The following INO80D variants were observed in gnomAD, a reference collection of about 807,000 sequenced individuals.
INO80D encodes INO80 complex subunit D.
In INO80D, 21 loss-of-function variants were observed where a neutral mutation model predicts 87.6. That is an observed-to-expected ratio of 0.24 (90% CI 0.17 to 0.35). INO80D has a LOEUF of 0.35. INO80D is among the 10% of genes least tolerant of loss of function. The pLI is 1.00. For missense variants in INO80D, 982 were observed against 1,280.7 expected (o/e 0.77, Z 3.56); for synonymous variants, 440 against 491.0 (o/e 0.90, Z 1.37).
intron 3 of INO80D, among the ~76,000 whole-genome samples, chr2:206,061,423 G>A (rs143479337): frequency 7.2e-5 from 11 of 152,194 alleles, no homozygotes; most frequent in African/African-American, 1.7e-4. Context: ...ATGTGTTTAC[G>A]ATGGGGCTTG....
At chr2:206,029,889 G>A (rs529694395) in intron 5 of INO80D, among the ~76,000 whole-genome samples, 1 of 152,220 alleles carries the variant, frequency 6.6e-6, no homozygotes, top group African/African-American at 2.4e-5. Flanking sequence ...CAAAAACAGT[G>A]GGGCAAAAAG....
At position 206,001,026 on chromosome 2, in the gene INO80D, T is replaced by C. The variant is rs1324374184; in HGVS notation, c.*3342A>G. 7 of 152,286 alleles carry C rather than the reference T, an allele frequency of 4.6e-5. No individual in the cohort carries two copies. Among genetic ancestry groups the C allele is most frequent in the Admixed American group, 2.6e-4 (4 of 15,294 alleles). 9.4% of individuals were successfully genotyped at this position (152,286 alleles called of 1,614,324 possible). A position where few individuals can be genotyped will look rare whatever the true frequency, so the allele number is the denominator to read the frequency against. On this transcript the variant is annotated 3_prime_UTR_variant, in exon 11 of 11. Coordinates refer to ENST00000403263, the MANE Select transcript of INO80D (RefSeq NM_017759.5). ...TGCTGTCTAAGCTATGTGACGATAA[T>C]TAGAAAATTTTTCCATTGCATAGTC...
chr2:206,033,489 T>C (rs564386133), intron 5 of INO80D, among the ~76,000 whole-genome samples: 2 of 152,276 alleles, frequency 1.3e-5, no homozygotes, highest in Admixed American at 6.5e-5. Context: ...TGAAAGAGCT[T>C]TGGGTCAAAA....
chr2:206,026,209 A>C (rs1437499004), intron 6 of INO80D, among the ~76,000 whole-genome samples: 1 of 152,032 alleles, frequency 6.6e-6, no homozygotes, highest in African/African-American at 2.4e-5. Context: ...ATGTTTTGAA[A>C]TTTTAAAATT....
At chr2:206,055,628 G>A (rs17286569) in intron 4 of INO80D, among the ~76,000 whole-genome samples, 28,288 of 152,132 alleles carry the variant, frequency 0.19, 3,274 homozygotes, top group Non-Finnish European at 0.27. Context: ...AAAGCTGCGT[G>A]TGGAATTCTA....
intron 10 of INO80D, among the ~76,000 whole-genome samples, chr2:206,006,376 C>G (rs1391103884): frequency 6.6e-6 from 1 of 152,166 alleles, no homozygotes; most frequent in African/African-American, 2.4e-5. Flanking sequence ...AGGGCAAGTT[C>G]TAAAAGACTT....
intron 4 of INO80D, among the ~76,000 whole-genome samples, chr2:206,053,593 T>C (rs568570597): frequency 2.0e-5 from 3 of 152,240 alleles, no homozygotes; most frequent in Admixed American, 1.3e-4. Flanking sequence ...TCCTATAAAA[T>C]ATACCCTGTC....
Position 206,063,055 on chromosome 2 carries a change from C to A in INO80D, c.-29-10G>T. 7.0e-7 allele frequency: 1 copy of A among 1,433,608 alleles called. No homozygotes were observed. Among genetic ancestry groups the A allele is most frequent in the Admixed American group, 1.9e-5 (1 of 51,688 alleles). The allele number at this position is 1,433,608 out of a possible 1,614,324, so 88.8% of individuals were successfully genotyped here. ...TCCTTGTGAACATCAGCTAAAAGGC[C>A]ACCACAAAAAAAGAAACCCAAATGA... On this transcript the variant is annotated splice_polypyrimidine_tract_variant and intron_variant, in intron 2 of 10. Coordinates refer to ENST00000403263, the MANE Select transcript of INO80D (RefSeq NM_017759.5).
chr2:206,032,553 T>C (rs1435099153), intron 5 of INO80D, among the ~76,000 whole-genome samples: 2 of 152,212 alleles, frequency 1.3e-5, no homozygotes, highest in Non-Finnish European at 2.9e-5. Context: ...GGAAAGAATC[T>C]TAAGAGCTGT....
intron 5 of INO80D, among the ~76,000 whole-genome samples, chr2:206,036,833 T>TA (rs1688908801): frequency 1.3e-5 from 2 of 152,198 alleles, no homozygotes; most frequent in South Asian, 4.1e-4. Flanking sequence ...TACGATTTTC[T>TA]AAAGCTTATT....
chr2:206,027,766 T>A (rs1204988373), intron 6 of INO80D, among the ~76,000 whole-genome samples: 1 of 152,112 alleles, frequency 6.6e-6, no homozygotes. Flanking sequence ...TAAATAAACA[T>A]AAAATACTAC....
chr2:206,037,436 T>C (rs1050389573), intron 5 of INO80D, among the ~76,000 whole-genome samples: 1 of 151,992 alleles, frequency 6.6e-6, no homozygotes, highest in Non-Finnish European at 1.5e-5. Context: ...TTAAGAAAAA[T>C]AATGAGTTTA....
intron 1 of INO80D, among the ~76,000 whole-genome samples, chr2:206,083,580 G>A (rs1690342351): frequency 6.6e-6 from 1 of 152,032 alleles, no homozygotes; most frequent in African/African-American, 2.4e-5. Flanking sequence ...CTAAATGACC[G>A]GATATCTATC....
chr2:206,063,304 G>C, intron 1 of INO80D, 60 bp from the exon 2 acceptor site: 1 of 517,406 alleles, frequency 1.9e-6, no homozygotes, highest in Non-Finnish European at 3.3e-6. Context: ...AGCTCACCCA[G>C]GAAGCAAAAT....
intron 5 of INO80D, among the ~76,000 whole-genome samples, chr2:206,032,903 A>G (rs1016950199): frequency 1.1e-4 from 17 of 152,206 alleles, no homozygotes; most frequent in Admixed American, 6.5e-5. Context: ...TATAAAACAA[A>G]AATACAAGTT....
chr2:205,994,058 G>C lies in INO80D; in HGVS notation c.*10310C>G, dbSNP rs927386041. The C allele has an allele frequency of 6.6e-6, 1 of 152,126 alleles. No individual in the cohort carries two copies. The highest frequency in any genetic ancestry group is 1.9e-4 in the East Asian group (1 of 5,200). The allele number at this position is 152,126 out of a possible 1,614,324, so 9.4% of individuals were successfully genotyped here. The stretch of plus-strand genomic sequence containing the variant: ...AAAGTCAATCGCCTCCCAAGACGTG[G>C]TCCTCCCAGCAATGCCGCACCCAAT... On this transcript the variant is annotated 3_prime_UTR_variant, in exon 11 of 11. Coordinates refer to ENST00000403263, the MANE Select transcript of INO80D (RefSeq NM_017759.5).
chr2:206,054,636 C>T (rs949732103), intron 4 of INO80D, among the ~76,000 whole-genome samples: 1 of 152,136 alleles, frequency 6.6e-6, no homozygotes, highest in Admixed American at 6.5e-5. Context: ...ACCTCAGCCT[C>T]TCAAATAGCT....
chr2:206,029,942 G>A (rs1049267558), intron 5 of INO80D, among the ~76,000 whole-genome samples: 1 of 152,182 alleles, frequency 6.6e-6, no homozygotes, highest in African/African-American at 2.4e-5. Context: ...AAAAATCTGT[G>A]AGCACTTAAA....
Position 206,084,375 on chromosome 2 carries a change from T to C in INO80D, c.-124+1526A>G, listed in dbSNP as rs187273373. 2.0e-5 allele frequency among the ~76,000 whole-genome samples: 3 copies of C among 152,236 alleles called. No homozygotes were observed. In the East Asian group the frequency reaches 5.8e-4, roughly 29 times the overall value. Reference sequence around the variant, plus strand: ...TAGGTTTCCTTAAAATCTCCATTACTCTATTTCTAGGTCGAATACAAGAAT... The same window carrying C: ...TAGGTTTCCTTAAAATCTCCATTACCCTATTTCTAGGTCGAATACAAGAAT... On this transcript the variant is annotated intron_variant, in intron 1 of 10. Coordinates refer to ENST00000403263, the MANE Select transcript of INO80D (RefSeq NM_017759.5).
Sources: allele counts gnomAD v4.1 joint callset (sites outside exome capture counted in the v4.1 genomes callset), GRCh38; gene constraint gnomAD v4.1.1; transcripts MANE v1.5; gene names NCBI Gene and HGNC (gene_info 2026-07-23, HGNC 2026-07-21).